Variants in TMED2 observed in about 807,000 individuals in gnomAD.
The protein encoded by TMED2 is transmembrane emp24 domain-containing protein 2.
TMED2 carries 3 observed loss-of-function variants against 17.5 expected under a neutral mutation model. The observed-to-expected ratio is 0.17, with a 90% CI of 0.08 to 0.44. The LOEUF (loss-of-function observed/expected upper bound fraction) is 0.44. Ranked by LOEUF, TMED2 falls within the 20% of genes least tolerant of loss-of-function variation. The pLI is 0.99. For missense variants in TMED2, 149 were observed against 254.8 expected (o/e 0.58, Z 2.83); for synonymous variants, 95 against 91.0 (o/e 1.04, Z -0.25).
chr12:123,596,610 G>A lies in TMED2; in HGVS notation c.487G>A (p.Asp163Asn), dbSNP rs143598291. ...GTTTGTTTTGTCCTCAACAGTCAAC[G>A]ACAACACAAACAGCAGAGTGGTCCT... is the stretch of plus-strand genomic sequence containing the variant. ...VRERIHRAIN[D>N]NTNSRVVLWS... The change falls in exon 4 of 4, where the codon GAC becomes AAC. Residue 163 changes from aspartate (D) to asparagine (N), a missense_variant. Coordinates refer to ENST00000262225, the MANE Select transcript of TMED2 (RefSeq NM_006815.4). The A allele has an allele frequency of 2.3e-4, 368 of 1,602,218 alleles. No individual in the cohort carries two copies. The highest frequency in any genetic ancestry group is 3.0e-4 in the Non-Finnish European group (353 of 1,176,434).
At chr12:123,593,376 C>G (rs1482891876) in intron 3 of TMED2, among the ~76,000 whole-genome samples, 1 of 152,162 alleles carries the variant, frequency 6.6e-6, no homozygotes, top group East Asian at 1.9e-4. Flanking sequence ...CCTCAGCCTC[C>G]TGAGTAGCTG....
rs920882918 is a variant in TMED2 at position 123,587,178 on chromosome 12, G to A, written c.373+239G>A. ...TTTATTTATTTTAAGATTGTGTCTC[G>A]CTCTTTCGCCCAGGCTGGAGTTCAG... is the stretch of plus-strand genomic sequence containing the variant. On this transcript the variant is annotated intron_variant, in intron 2 of 3. Coordinates refer to ENST00000262225, the MANE Select transcript of TMED2 (RefSeq NM_006815.4). 4.6e-5 allele frequency among the ~76,000 whole-genome samples: 7 copies of A among 151,518 alleles called. No homozygotes were observed. The East Asian group carries it at 7.7e-4, about 17-fold the overall frequency.
chr12:123,591,985 GCTTT>G (rs1233008449), intron 3 of TMED2, among the ~76,000 whole-genome samples: 3 of 152,204 alleles, frequency 2.0e-5, no homozygotes, highest in African/African-American at 7.2e-5. Flanking sequence ...TTCCAGATGT[GCTTT>G]CTGTTTTTCC....
At chr12:123,594,122 A>G (rs1283889587) in intron 3 of TMED2, among the ~76,000 whole-genome samples, 1 of 146,068 alleles carries the variant, frequency 6.8e-6, no homozygotes, top group Admixed American at 7.2e-5. Flanking sequence ...GCAGAAAAAT[A>G]AAACACTACA....
At chr12:123,586,669 T>TA in intron 1 of TMED2, 78 bp from the exon 2 acceptor site, 1 of 1,402,550 alleles carries the variant, frequency 7.1e-7, no homozygotes, top group Non-Finnish European at 9.5e-7. Flanking sequence ...GTGAATTTCT[T>TA]ACTGCCATTA....
chr12:123,584,567 C>CTGAGAAGGCAGCGG lies in TMED2; in HGVS notation c.-70_-69insTGAGAAGGCAGCGG. 4.3e-4 allele frequency: 3 copies of CTGAGAAGGCAGCGG among 7,002 alleles called. No homozygotes were observed. Among genetic ancestry groups the CTGAGAAGGCAGCGG allele is most frequent in the Non-Finnish European group, 8.1e-4 (2 of 2,458 alleles). 0.4% of individuals were successfully genotyped at this position (7,002 alleles called of 1,614,324 possible). On this transcript the variant is annotated 5_prime_UTR_variant, in exon 1 of 4. Coordinates refer to ENST00000262225, the MANE Select transcript of TMED2 (RefSeq NM_006815.4). Reference sequence around the variant, plus strand: ...GGCGGTGGCTGAGAAGGCAGCGGGGCGGCGGCGGCGGCGGCGGCGGCGGCT... The same window carrying CTGAGAAGGCAGCGG: ...GGCGGTGGCTGAGAAGGCAGCGGGGCTGAGAAGGCAGCGGGGCGGCGGCGGCGGCGGCGGCGGCT...
chr12:123,596,175 A>G (rs1292266306), intron 3 of TMED2, among the ~76,000 whole-genome samples: 1 of 152,250 alleles, frequency 6.6e-6, no homozygotes, highest in Non-Finnish European at 1.5e-5. Context: ...TCAAGTACCC[A>G]TGCAACCATT....
In TMED2 at chr12:123,590,329, A is replaced by G. The variant is rs547165567; in HGVS notation, c.374-13A>G. On this transcript the variant is annotated splice_polypyrimidine_tract_variant and intron_variant, in intron 2 of 3. Coordinates refer to ENST00000262225, the MANE Select transcript of TMED2 (RefSeq NM_006815.4). ...CATTGACAAATGTGTTTTGTTTTCA[A>G]ATCCTTCTATAGCTCACCAGAACAA... 1 of 1,576,458 alleles carries G rather than the reference A, an allele frequency of 6.3e-7. No individual in the cohort carries two copies. The highest frequency in any genetic ancestry group is 1.4e-5 in the African/African-American group (1 of 72,646).
intron 3 of TMED2, among the ~76,000 whole-genome samples, chr12:123,592,752 G>A (rs1009559544): frequency 1.3e-5 from 2 of 152,198 alleles, no homozygotes; most frequent in African/African-American, 4.8e-5. Context: ...CATGAGGACA[G>A]TGTCCCAGGT....
chr12:123,587,011 C>G, intron 2 of TMED2, 72 bp downstream of exon 2: 1 of 1,341,732 alleles, frequency 7.5e-7, no homozygotes, highest in Non-Finnish European at 9.8e-7. Context: ...TTTTACCTGT[C>G]TGAGTGGAGT....
In TMED2 at chr12:123,584,632, C is replaced by G. The variant is rs375565192; in HGVS notation, c.-5C>G. On this transcript the variant is annotated 5_prime_UTR_variant, in exon 1 of 4. Coordinates refer to ENST00000262225, the MANE Select transcript of TMED2 (RefSeq NM_006815.4). Reference sequence around the variant, plus strand: ...CCGGGTCCTGGCTTCGGCCTCAGCCCCACCATGGTGACGCTTGCTGAACTG... The same window carrying G: ...CCGGGTCCTGGCTTCGGCCTCAGCCGCACCATGGTGACGCTTGCTGAACTG... 69 of 1,609,498 alleles carry G rather than the reference C, an allele frequency of 4.3e-5. No homozygotes were observed. The highest frequency in any genetic ancestry group is 5.9e-5 in the Non-Finnish European group (69 of 1,179,436).
rs1351500868 is a variant in TMED2 at position 123,584,601 on chromosome 12, C to T, written c.-36C>T. ...CGGCGGCGGCGGCGGCTGTGGAGGC[C>T]GCAGTCCGGGTCCTGGCTTCGGCCT... On this transcript the variant is annotated 5_prime_UTR_variant, in exon 1 of 4. Coordinates refer to ENST00000262225, the MANE Select transcript of TMED2 (RefSeq NM_006815.4). 6.3e-6 allele frequency: 10 copies of T among 1,592,452 alleles called. No homozygotes were observed. Among genetic ancestry groups the T allele is most frequent in the African/African-American group, 2.7e-5 (2 of 74,280 alleles).
At chr12:123,588,463 C>T (rs1260878216) in intron 2 of TMED2, among the ~76,000 whole-genome samples, 1 of 152,086 alleles carries the variant, frequency 6.6e-6, no homozygotes, top group Non-Finnish European at 1.5e-5. Context: ...ATGAGGAGTT[C>T]TGAAAGGCTT....
At chr12:123,592,296 G>T (rs1201119934) in intron 3 of TMED2, among the ~76,000 whole-genome samples, 1 of 152,188 alleles carries the variant, frequency 6.6e-6, no homozygotes, top group East Asian at 1.9e-4. Context: ...CTTGTTCCCA[G>T]ATGGGGAAAC....
intron 1 of TMED2, 190 bp from the exon 2 acceptor site, chr12:123,586,557 C>T: frequency 2.7e-6 from 1 of 376,812 alleles, no homozygotes. Context: ...ACCATGTTGG[C>T]CAGGCTGGTC....
rs536717436 is a variant in TMED2, at chr12:123,584,589, G to T, written c.-48G>T. Reference sequence around the variant, plus strand: ...GGGCGGCGGCGGCGGCGGCGGCGGCGGCTGTGGAGGCCGCAGTCCGGGTCC... The same window carrying T: ...GGGCGGCGGCGGCGGCGGCGGCGGCTGCTGTGGAGGCCGCAGTCCGGGTCC... On this transcript the variant is annotated 5_prime_UTR_variant, in exon 1 of 4. Transcript: ENST00000262225. The T allele has an allele frequency of 8.2e-6, 12 of 1,457,438 alleles. No individual in the cohort carries two copies. The Admixed American group carries it at 1.1e-4, about 14-fold the overall frequency. The allele number at this position is 1,457,438 out of a possible 1,614,324, so 90.3% of individuals were successfully genotyped here.
chr12:123,594,843 C>T (rs1345793850), intron 3 of TMED2, among the ~76,000 whole-genome samples: 1 of 151,232 alleles, frequency 6.6e-6, no homozygotes, highest in South Asian at 2.1e-4. Context: ...GCTGAGATCG[C>T]GTCATTGCAC....
chr12:123,588,818 A>G (rs1264193983), intron 2 of TMED2, among the ~76,000 whole-genome samples: 1 of 152,174 alleles, frequency 6.6e-6, no homozygotes, highest in African/African-American at 2.4e-5. Flanking sequence ...ATTTGGTCCA[A>G]AATGGAGACA....
chr12:123,584,579 C>T lies in TMED2; in HGVS notation c.-58C>T, dbSNP rs1001472156. ...GAAGGCAGCGGGGCGGCGGCGGCGG[C>T]GGCGGCGGCGGCTGTGGAGGCCGCA... On this transcript the variant is annotated 5_prime_UTR_variant, in exon 1 of 4. Transcript: ENST00000262225. 5.1e-6 allele frequency: 8 copies of T among 1,557,112 alleles called. No homozygotes were observed. Among genetic ancestry groups the T allele is most frequent in the Non-Finnish European group, 5.2e-6 (6 of 1,155,022 alleles).
Sources: gnomAD v4.1 joint callset for allele counts (sites outside exome capture counted in the v4.1 genomes callset) on GRCh38, gnomAD v4.1.1 for gene constraint, MANE v1.5 for transcripts, NCBI Gene and HGNC (gene_info 2026-07-23, HGNC 2026-07-21) for gene names.